The following KIAA1210 variants were observed in gnomAD, a reference collection of about 807,000 sequenced individuals.
KIAA1210 encodes the protein acrosomal protein KIAA1210.
In KIAA1210, 48 loss-of-function variants were observed where a neutral mutation model predicts 78.9. The observed-to-expected ratio is 0.61, with a 90% CI of 0.48 to 0.77. KIAA1210 has a LOEUF of 0.77. Ranked by LOEUF, KIAA1210 falls within the 30% of genes least tolerant of loss-of-function variation. The pLI, the probability that KIAA1210 is intolerant of heterozygous loss-of-function variation, is 0.00. For missense variants in KIAA1210, 1,108 were observed against 1,100.0 expected, an observed-to-expected ratio of 1.01 and a Z score of -0.10; for synonymous variants, 406 against 404.5, an observed-to-expected ratio of 1.00 and a Z score of -0.04.
At chrX:119,109,244 CA>C in intron 3 of KIAA1210, 42 bp from the exon 4 acceptor site, 2 of 1,151,980 alleles carry the variant, frequency 1.7e-6, no homozygotes, top group Non-Finnish European at 2.3e-6. Flanking sequence ...ACCCAAGGGC[CA>C]TGGGAACTGA....
chrX:119,119,858 C>A, intron 2 of KIAA1210, among the ~76,000 whole-genome samples: 1 of 109,451 alleles, frequency 9.1e-6, no homozygotes, highest in Non-Finnish European at 1.9e-5. Context: ...TGCCTGTAGT[C>A]CCAGCTACTC....
intron 10 of KIAA1210, among the ~76,000 whole-genome samples, 179 bp downstream of exon 10, chrX:119,085,204 A>G (rs1474938157): frequency 8.9e-6 from 1 of 112,407 alleles, no homozygotes; most frequent in Non-Finnish European, 1.9e-5. Context: ...TTAAGAGCAT[A>G]AAAGCAGGGC....
rs757377535 is a variant in KIAA1210 at position 119,089,953 on chromosome X, G to A, written c.956-207C>T. Among the ~76,000 whole-genome samples the A allele has an allele frequency of 2.7e-5, 3 of 111,722 alleles. No individual in the cohort carries two copies. In the South Asian group the frequency reaches 1.1e-3, roughly 42 times the overall value. The stretch of plus-strand genomic sequence containing the variant: ...AAGCCAAAGAGAAATCCTAGTTCTA[G>A]AAACTGACTCCAGGGTTGGCTTATC... On this transcript the variant is annotated intron_variant, in intron 8 of 11. Coordinates refer to ENST00000691062, the MANE Select transcript of KIAA1210 (RefSeq NM_001394962.1).
At chrX:119,149,249 C>CCT (rs765937190) in intron 1 of KIAA1210, among the ~76,000 whole-genome samples, 106 of 111,368 alleles carry the variant, frequency 9.5e-4, no homozygotes, top group Non-Finnish European at 1.6e-3. Context: ...ATGTCCCCAT[C>CCT]CTCTACCTCT....
chrX:119,090,264 C>G (rs1470194704), intron 8 of KIAA1210, among the ~76,000 whole-genome samples: 1 of 105,942 alleles, frequency 9.4e-6, no homozygotes, highest in Admixed American at 1.0e-4. Context: ...AATTATGGTT[C>G]TATTTTACAC....
At chrX:119,147,734 G>A (rs1929202047) in intron 1 of KIAA1210, 4 of 614,786 alleles carry the variant, frequency 6.5e-6, no homozygotes, top group Non-Finnish European at 7.5e-6. Context: ...GAAGGCCAGA[G>A]GCCTGGAGAA....
In KIAA1210 at chrX:119,135,977, T is replaced by C. The variant is rs1346133529; in HGVS notation, c.410+11496A>G. Among the ~76,000 whole-genome samples, 6 of 110,604 alleles carry C rather than the reference T, an allele frequency of 5.4e-5. No individual in the cohort carries two copies. In the East Asian group the frequency reaches 1.4e-3, roughly 26 times the overall value. On this transcript the variant is annotated intron_variant, in intron 2 of 13. Transcript: ENST00000402510. The stretch of plus-strand genomic sequence containing the variant: ...GCTGAGGCAGAGAATAGCTTGAACC[T>C]GGGAGGCAGAGGTTGCAATGAGCCG...
chrX:119,085,727 GGA>G (rs1174704185), intron 9 of KIAA1210, among the ~76,000 whole-genome samples, 181 bp from the exon 10 acceptor site: 8 of 112,383 alleles, frequency 7.1e-5, no homozygotes, highest in Non-Finnish European at 1.5e-4. Flanking sequence ...TGGCAAGGCA[GGA>G]GTTCCTTGGG....
chrX:119,108,355 A>C lies in KIAA1210; in HGVS notation c.474T>G (p.Ala158=). The change falls in exon 5 of 12, where the codon GCT becomes GCG. Residue 158 remains alanine (A), a synonymous_variant. Coordinates refer to ENST00000691062, the MANE Select transcript of KIAA1210 (RefSeq NM_001394962.1). ...TTGTTACCTCAGTGATCTTGGGGCC[A>C]GCAACCCAGACTGCACTTGTAGGCA... ...QNVPTSAVWV[A]GPKITENPPS... 8.3e-7 allele frequency: 1 copy of C among 1,210,386 alleles called. No individual in the cohort carries two copies. The highest frequency in any genetic ancestry group is 3.0e-5 in the East Asian group (1 of 33,797).
At position 119,085,376 on chromosome X, in the gene KIAA1210, G is replaced by A. The variant is rs1396480542; in HGVS notation, c.4320+7C>T. 8.3e-7 allele frequency: 1 copy of A among 1,204,913 alleles called. No individual in the cohort carries two copies. Among genetic ancestry groups the A allele is most frequent in the Non-Finnish European group, 1.1e-6 (1 of 892,644 alleles). ...TGGAGTGTTTTATTGGCTACCCCAGGTCCTACCTCATATTTAGGCTCCTTA... is the reference window on the plus strand; with the variant it reads ...TGGAGTGTTTTATTGGCTACCCCAGATCCTACCTCATATTTAGGCTCCTTA... On this transcript the variant is annotated splice_region_variant and intron_variant, in intron 10 of 11. Coordinates refer to ENST00000691062, the MANE Select transcript of KIAA1210 (RefSeq NM_001394962.1).
upstream of KIAA1210, among the ~76,000 whole-genome samples, chrX:119,130,842 G>C (rs995938015): frequency 1.8e-5 from 2 of 112,048 alleles, 1 homozygote; most frequent in South Asian, 7.6e-4. Context: ...GAGGTATCGA[G>C]TCTCGTTATC....
In KIAA1210 at chrX:119,144,265, G is replaced by C. The variant is rs759477134; in HGVS notation, c.410+3208C>G. ...GACCAACAGAGCAGGGCCTAACATC[G>C]TGAGGAACTCCCGGTTTCCTGCTGC... On this transcript the variant is annotated intron_variant, in intron 2 of 13. Transcript: ENST00000402510. Among the ~76,000 whole-genome samples the C allele has an allele frequency of 3.6e-5, 4 of 112,482 alleles. No individual in the cohort carries two copies. The East Asian group carries it at 1.1e-3, about 31-fold the overall frequency.
intron 2 of KIAA1210, among the ~76,000 whole-genome samples, chrX:119,139,008 A>C (rs1238493212): frequency 8.9e-6 from 1 of 112,233 alleles, no homozygotes; most frequent in African/African-American, 3.2e-5. Flanking sequence ...TGGCACAAAG[A>C]AAGTGCTCAA....
chrX:119,129,728 C>G (rs1404994135), upstream of KIAA1210, among the ~76,000 whole-genome samples: 2 of 111,488 alleles, frequency 1.8e-5, no homozygotes, highest in Non-Finnish European at 1.9e-5. Context: ...ATCCTAGCCA[C>G]GTGAACCGTG....
upstream of KIAA1210, among the ~76,000 whole-genome samples, chrX:119,150,733 G>A (rs1425180861): frequency 8.9e-6 from 1 of 112,399 alleles, no homozygotes; most frequent in Non-Finnish European, 1.9e-5. Context: ...CAACCAGCGG[G>A]GTGCACAGGG....
chrX:119,110,234 C>G (rs1928028622), intron 3 of KIAA1210, among the ~76,000 whole-genome samples: 1 of 112,219 alleles, frequency 8.9e-6, no homozygotes, highest in Non-Finnish European at 1.9e-5. Flanking sequence ...ATGCCAAACA[C>G]TGTATCAATA....
chrX:119,135,363 G>A (rs180833249), intron 2 of KIAA1210, among the ~76,000 whole-genome samples: 48 of 112,126 alleles, frequency 4.3e-4, no homozygotes, highest in African/African-American at 1.5e-3. Context: ...AATGCACAGA[G>A]TCCTGCCAAA....
chrX:119,094,194 C>T (rs1231112915), intron 7 of KIAA1210: 2 of 490,082 alleles, frequency 4.1e-6, no homozygotes, highest in East Asian at 7.1e-5. Context: ...AATTCAAATC[C>T]TTTTTGGCTT....
upstream of KIAA1210, among the ~76,000 whole-genome samples, chrX:119,131,268 T>C (rs1042296562): frequency 5.4e-5 from 6 of 112,003 alleles, no homozygotes; most frequent in African/African-American, 1.9e-4. Flanking sequence ...TCAGTGTGGG[T>C]GGACCTAACC....
Sources: allele counts gnomAD v4.1 joint callset (sites outside exome capture counted in the v4.1 genomes callset), GRCh38; gene constraint gnomAD v4.1.1; transcripts MANE v1.5; gene names NCBI Gene and HGNC (gene_info 2026-07-23, HGNC 2026-07-21).